The following TBC1D22A variants were observed in gnomAD, a reference collection of about 807,000 sequenced individuals.
The protein encoded by TBC1D22A is TBC1 domain family member 22A.
Under a neutral mutation model 60.2 loss-of-function variants are expected in TBC1D22A, and 38 were observed. That is an observed-to-expected ratio of 0.63 (90% CI 0.49 to 0.83). The LOEUF is 0.83. TBC1D22A is among the 40% of genes least tolerant of loss of function. The pLI is 0.00. For synonymous variants in TBC1D22A, 302 were observed against 281.7 expected (o/e 1.07, Z -0.72); for missense variants, 628 against 701.0 (o/e 0.90, Z 1.18).
intron 4 of TBC1D22A, among the ~76,000 whole-genome samples, chr22:46,856,737 G>T (rs772716865): frequency 2.0e-5 from 3 of 152,142 alleles, no homozygotes; most frequent in Non-Finnish European, 4.4e-5. Context: ...TTTTGGGTCT[G>T]TTTCTTGATT....
chr22:46,767,396 A>G (rs1373495322), intron 1 of TBC1D22A, among the ~76,000 whole-genome samples: 1 of 152,212 alleles, frequency 6.6e-6, no homozygotes, highest in Non-Finnish European at 1.5e-5. Flanking sequence ...CTTTGAGGAG[A>G]AAAGAATGGG....
At chr22:46,921,187 A>G (rs751043167) in intron 8 of TBC1D22A, among the ~76,000 whole-genome samples, 6 of 152,190 alleles carry the variant, frequency 3.9e-5, no homozygotes, top group Non-Finnish European at 8.8e-5. Flanking sequence ...TTAGTTACCC[A>G]GGTAATAAGC....
At chr22:47,168,837 T>C (rs1857380075) in intron 12 of TBC1D22A, among the ~76,000 whole-genome samples, 1 of 152,136 alleles carries the variant, frequency 6.6e-6, no homozygotes, top group South Asian at 2.1e-4. Flanking sequence ...TAAAACCCTT[T>C]TGGTAAGAAG....
At chr22:46,939,494 G>T (rs983022275) in intron 8 of TBC1D22A, among the ~76,000 whole-genome samples, 8 of 152,192 alleles carry the variant, frequency 5.3e-5, no homozygotes, top group Non-Finnish European at 1.2e-4. Context: ...CATCTTTTAA[G>T]ACGTTTATGG....
At chr22:47,017,053 C>T (rs1005553) in intron 10 of TBC1D22A, among the ~76,000 whole-genome samples, 11,795 of 152,298 alleles carry the variant, frequency 0.077, 901 homozygotes, top group African/African-American at 0.2. Flanking sequence ...GTTTTCTGGC[C>T]GTGAGGAAAA....
chr22:46,769,625 C>T (rs752220109), intron 1 of TBC1D22A, among the ~76,000 whole-genome samples: 1 of 151,876 alleles, frequency 6.6e-6, no homozygotes, highest in Non-Finnish European at 1.5e-5. Flanking sequence ...GTGGGGAGCG[C>T]TTGACTGGGG....
intron 4 of TBC1D22A, among the ~76,000 whole-genome samples, chr22:46,813,552 T>C (rs576811037): frequency 2.0e-5 from 3 of 152,334 alleles, no homozygotes; most frequent in Admixed American, 1.3e-4. Context: ...AATTACAATA[T>C]GTAGTGAGCT....
At chr22:46,870,106 T>A (rs1289319617) in intron 4 of TBC1D22A, among the ~76,000 whole-genome samples, 1 of 152,256 alleles carries the variant, frequency 6.6e-6, no homozygotes, top group East Asian at 1.9e-4. Flanking sequence ...ATTGTCTCTT[T>A]GTTCCTTGTA....
intron 5 of TBC1D22A, among the ~76,000 whole-genome samples, chr22:46,878,931 T>A (rs1242805873): frequency 6.6e-6 from 1 of 152,240 alleles, no homozygotes; most frequent in African/African-American, 2.4e-5. Context: ...AAAACAAGAA[T>A]AGGTAATAAT....
Position 47,151,157 on chromosome 22 carries a change from C to T in TBC1D22A, c.1426-22341C>T, listed in dbSNP as rs369571418. On this transcript the variant is annotated intron_variant, in intron 12 of 12. Coordinates refer to ENST00000337137, the MANE Select transcript of TBC1D22A (RefSeq NM_014346.5). ...CCTGCTGGGTTCGTGCAGATTCCTG[C>T]GAGCCTGGCTGTGCGGGCCCAGAGC... Among the ~76,000 whole-genome samples the T allele has an allele frequency of 7.9e-5, 12 of 152,256 alleles. No homozygotes were observed. In the East Asian group the frequency reaches 1.6e-3, roughly 20 times the overall value.
At chr22:47,029,765 A>ATC (rs1417320296) in intron 10 of TBC1D22A, among the ~76,000 whole-genome samples, 2 of 152,126 alleles carry the variant, frequency 1.3e-5, no homozygotes, top group African/African-American at 2.4e-5. Flanking sequence ...CTTGAGCCCC[A>ATC]TCTCTCTCTC....
intron 3 of TBC1D22A, among the ~76,000 whole-genome samples, chr22:46,794,492 C>G (rs558716422): frequency 6.6e-6 from 1 of 152,304 alleles, no homozygotes; most frequent in African/African-American, 2.4e-5. Context: ...CAGGCCATCA[C>G]GTCTGTGATG....
chr22:47,144,148 C>A (rs111414864), intron 12 of TBC1D22A, among the ~76,000 whole-genome samples: 1 of 152,122 alleles, frequency 6.6e-6, no homozygotes, highest in African/African-American at 2.4e-5. Flanking sequence ...CCCAAAATAT[C>A]ACTGTCTCTC....
intron 12 of TBC1D22A, among the ~76,000 whole-genome samples, chr22:47,172,726 G>A (rs540636988): frequency 6.6e-6 from 1 of 152,242 alleles, no homozygotes; most frequent in African/African-American, 2.4e-5. Flanking sequence ...CCATTTTGCA[G>A]AGGAGGAAGC....
chr22:46,809,203 A>T (rs1046413642), intron 4 of TBC1D22A, among the ~76,000 whole-genome samples: 2 of 152,164 alleles, frequency 1.3e-5, no homozygotes, highest in African/African-American at 2.4e-5. Flanking sequence ...CGGCTTGCAG[A>T]TGCCACATTT....
chr22:46,850,299 G>T (rs867600096), intron 4 of TBC1D22A, among the ~76,000 whole-genome samples: 1 of 152,168 alleles, frequency 6.6e-6, no homozygotes, highest in African/African-American at 2.4e-5. Flanking sequence ...TCCTGGCATT[G>T]TCATGCACCT....
At chr22:46,818,273 T>G (rs905451687) in intron 4 of TBC1D22A, among the ~76,000 whole-genome samples, 2 of 152,264 alleles carry the variant, frequency 1.3e-5, no homozygotes, top group South Asian at 4.1e-4. Flanking sequence ...TTTGTCAATT[T>G]TGGCTTATGT....
At chr22:46,892,477 G>A (rs1202075159) in intron 6 of TBC1D22A, among the ~76,000 whole-genome samples, 1 of 152,040 alleles carries the variant, frequency 6.6e-6, no homozygotes, top group African/African-American at 2.4e-5. Context: ...CTTCCAGGCC[G>A]GAGCTGCCCC....
chr22:47,152,524 C>T (rs1386041099), intron 12 of TBC1D22A, among the ~76,000 whole-genome samples: 2 of 152,214 alleles, frequency 1.3e-5, no homozygotes, highest in Non-Finnish European at 2.9e-5. Context: ...TAGAGAGTTT[C>T]TGGCCGGCCA....
Sources: allele counts gnomAD v4.1 joint callset (sites outside exome capture counted in the v4.1 genomes callset), GRCh38; gene constraint gnomAD v4.1.1; transcripts MANE v1.5; gene names NCBI Gene and HGNC (gene_info 2026-07-23, HGNC 2026-07-21).